Variants in PPP2R5B observed in about 807,000 individuals in gnomAD.
The protein encoded by PPP2R5B is serine/threonine-protein phosphatase 2A 56 kDa regulatory subunit beta isoform.
A neutral mutation model predicts 59.9 loss-of-function variants in PPP2R5B; 19 were observed. That is an observed-to-expected ratio of 0.32 (90% confidence interval 0.22 to 0.47). The LOEUF (loss-of-function observed/expected upper bound fraction) is 0.47. Among genes scored for constraint, PPP2R5B ranks in the 20% least tolerant of loss-of-function variants. The pLI is 1.00. For missense variants in PPP2R5B, 441 were observed against 640.2 expected (o/e 0.69, Z 3.36); for synonymous variants, 286 against 260.5 (o/e 1.10, Z -0.94).
At chr11:64,928,518 T>G in intron 6 of PPP2R5B, 93 bp downstream of exon 6, 2 of 1,565,988 alleles carry the variant, frequency 1.3e-6, no homozygotes, top group South Asian at 2.3e-5. Context: ...GGCTCACACC[T>G]GTAATCCCAG....
intron 6 of PPP2R5B, 126 bp from the exon 7 acceptor site, chr11:64,930,196 C>T: frequency 9.4e-7 from 1 of 1,060,628 alleles, no homozygotes. Flanking sequence ...GAAGGGAGCG[C>T]AGCCTCTGGG....
intron 13 of PPP2R5B, among the ~76,000 whole-genome samples, 168 bp downstream of exon 13, chr11:64,933,414 C>T (rs964999495): frequency 1.3e-5 from 2 of 152,134 alleles, no homozygotes; most frequent in Non-Finnish European, 2.9e-5. Context: ...TGTATCCTCC[C>T]GTCATTCTTC....
rs369353409 is a variant in PPP2R5B at position 64,925,615 on chromosome 11, C to CA, written c.-120_-119insA. 6.7e-6 allele frequency: 2 copies of CA among 297,238 alleles called. No individual in the cohort carries two copies. Among genetic ancestry groups the CA allele is most frequent in the Non-Finnish European group, 1.2e-5 (2 of 170,830 alleles). The allele number at this position is 297,238 out of a possible 1,614,324, so 18.4% of individuals were successfully genotyped here. A position where few individuals can be genotyped will look rare whatever the true frequency, so the allele number is the denominator to read the frequency against. ...GGGGGGGCCCAGGACTGTGGTTGTG[C>CA]CCCCCCCCCAAAGGCCGGACAGGAT... On this transcript the variant is annotated 5_prime_UTR_variant, in exon 2 of 14. Transcript: ENST00000164133. The surrounding 1 kb of genome is among the most constrained non-coding windows in gnomAD (Gnocchi z 4.6).
Position 64,931,634 on chromosome 11 carries a change from G to A in PPP2R5B, c.996+25G>A, listed in dbSNP as rs762191845. 14 of 1,613,336 alleles carry A rather than the reference G, an allele frequency of 8.7e-6. No homozygotes were observed. Among genetic ancestry groups the A allele is most frequent in the Admixed American group, 5.0e-5 (3 of 59,962 alleles). On this transcript the variant is annotated intron_variant, in intron 10 of 13. Transcript: ENST00000164133. This position sits in a 1 kb window ranked among gnomAD's most constrained non-coding sequence, Gnocchi z 5.0. ...GGTATGAAGAAGGGCTTTGATGCCC[G>A]CCAGAGGGAGGCTGGGAGGGCTCGG...
chr11:64,918,055 G>A (rs900875264), intron 1 of PPP2R5B, among the ~76,000 whole-genome samples: 1 of 152,058 alleles, frequency 6.6e-6, no homozygotes, highest in Admixed American at 6.6e-5. Context: ...AATGGTTAGG[G>A]GAAAAATCAA....
chr11:64,926,924 C>T lies in PPP2R5B; in HGVS notation c.396+16C>T, dbSNP rs781118069. 1.2e-6 allele frequency: 2 copies of T among 1,610,768 alleles called. No homozygotes were observed. The highest frequency in any genetic ancestry group is 1.7e-6 in the Non-Finnish European group (2 of 1,178,156). Reference sequence around the variant, plus strand: ...CATCCGCATGGTGAGCACCTGCCACCCAGGCTCCGAGGGCCGGCCGAGAGG... The same window carrying T: ...CATCCGCATGGTGAGCACCTGCCACTCAGGCTCCGAGGGCCGGCCGAGAGG... On this transcript the variant is annotated intron_variant, in intron 3 of 13. Coordinates refer to ENST00000164133, the MANE Select transcript of PPP2R5B (RefSeq NM_006244.4).
Position 64,927,352 on chromosome 11 carries a change from C to T in PPP2R5B, c.396+444C>T, listed in dbSNP as rs552903889. 3.9e-5 allele frequency among the ~76,000 whole-genome samples: 6 copies of T among 152,278 alleles called. No individual in the cohort carries two copies. The South Asian group carries it at 8.3e-4, about 21-fold the overall frequency. On this transcript the variant is annotated intron_variant, in intron 3 of 13. Transcript: ENST00000164133. ...TGGCCCAGGGCTTGCACGAACTAGG[C>T]GTTCAGGTGATGATTGCCCAAGGAA...
In PPP2R5B at chr11:64,926,728, G is replaced by A. The variant is rs1452310026; in HGVS notation, c.216G>A (p.Glu72=). ...LPLLKDVPAS[E]LHELLSRKLA... ...CCTCCCCAGATGTGCCGGCTTCCGAGCTGCACGAGCTGCTGAGCCGGAAGC... is the reference window on the plus strand; with the variant it reads ...CCTCCCCAGATGTGCCGGCTTCCGAACTGCACGAGCTGCTGAGCCGGAAGC... The change falls in exon 3 of 14, where the codon GAG becomes GAA. Residue 72 remains glutamate, a synonymous_variant. Coordinates refer to ENST00000164133, the MANE Select transcript of PPP2R5B (RefSeq NM_006244.4). The A allele has an allele frequency of 1.2e-6, 2 of 1,614,126 alleles. No homozygotes were observed. Among genetic ancestry groups the A allele is most frequent in the South Asian group, 2.2e-5 (2 of 91,090 alleles).
chr11:64,926,670 G>T, intron 2 of PPP2R5B, 42 bp from the exon 3 acceptor site: 1 of 1,604,284 alleles, frequency 6.2e-7, no homozygotes, highest in South Asian at 1.1e-5. Context: ...GGGGCAGCTG[G>T]GGGAGCTGGG....
intron 2 of PPP2R5B, 136 bp from the exon 3 acceptor site, chr11:64,926,576 G>C (rs1174776591): frequency 1.1e-5 from 10 of 886,980 alleles, no homozygotes; most frequent in Middle Eastern, 3.5e-4. Flanking sequence ...TGTCTGCAAG[G>C]AGCAGGAGAT....
At chr11:64,920,903 C>G (rs1329385607), upstream of PPP2R5B, among the ~76,000 whole-genome samples, 1 of 150,226 alleles carries the variant, frequency 6.7e-6, no homozygotes, top group Non-Finnish European at 1.5e-5. Flanking sequence ...GCTGGGATTA[C>G]AGGTGTGAGC....
chr11:64,929,768 G>T (rs527594237), intron 6 of PPP2R5B, among the ~76,000 whole-genome samples: 3 of 152,172 alleles, frequency 2.0e-5, no homozygotes, highest in East Asian at 3.9e-4. Context: ...ACTAACTCAG[G>T]GACCATTATC....
chr11:64,930,030 TGGTA>T (rs1945211105), intron 6 of PPP2R5B, among the ~76,000 whole-genome samples: 2 of 152,184 alleles, frequency 1.3e-5, no homozygotes, highest in Non-Finnish European at 2.9e-5. Context: ...GAGACTTACA[TGGTA>T]CGGAGTAGAT....
chr11:64,929,092 A>G (rs1467203044), intron 6 of PPP2R5B, among the ~76,000 whole-genome samples: 1 of 152,248 alleles, frequency 6.6e-6, no homozygotes, highest in African/African-American at 2.4e-5. Flanking sequence ...TTGATTATAC[A>G]AAGCCTGTGA....
chr11:64,919,309 C>G (rs2136670318), intron 1 of PPP2R5B, among the ~76,000 whole-genome samples: 1 of 151,410 alleles, frequency 6.6e-6, no homozygotes, highest in African/African-American at 2.4e-5. Context: ...TGCCACTGCA[C>G]TCCAGCCTGG....
At chr11:64,919,051 T>C (rs1222917279) in intron 1 of PPP2R5B, among the ~76,000 whole-genome samples, 2 of 152,140 alleles carry the variant, frequency 1.3e-5, no homozygotes, top group Non-Finnish European at 2.9e-5. Context: ...ATTCAGAAAG[T>C]GCTTATGGGC....
chr11:64,926,332 G>C (rs1355769195), intron 2 of PPP2R5B, among the ~76,000 whole-genome samples: 2 of 152,238 alleles, frequency 1.3e-5, no homozygotes, highest in African/African-American at 4.8e-5. Flanking sequence ...GGCCAAGCCT[G>C]AGGACACCGT....
At position 64,933,010 on chromosome 11, in the gene PPP2R5B, C is replaced by T. The variant is rs553155270; in HGVS notation, c.1244+118C>T. 6.1e-5 allele frequency: 93 copies of T among 1,527,600 alleles called. No homozygotes were observed. In the East Asian group the frequency reaches 1.8e-3, roughly 30 times the overall value. The allele number at this position is 1,527,600 out of a possible 1,614,324, so 94.6% of individuals were successfully genotyped here. A position where few individuals can be genotyped will look rare whatever the true frequency, so the allele number is the denominator to read the frequency against. ...TCAGAGAAAGCATCAAAAGATGGCCCAGGGGTGGTGAAAAGGACAGGAAAG... is the reference window on the plus strand; with the variant it reads ...TCAGAGAAAGCATCAAAAGATGGCCTAGGGGTGGTGAAAAGGACAGGAAAG... On this transcript the variant is annotated intron_variant, in intron 12 of 13. Transcript: ENST00000164133.
At chr11:64,928,852 CCGCAG>C (rs1945198882) in intron 6 of PPP2R5B, among the ~76,000 whole-genome samples, 1 of 152,270 alleles carries the variant, frequency 6.6e-6, no homozygotes, top group African/African-American at 2.4e-5. Flanking sequence ...CCACTGCAGT[CCGCAG>C]TCCGGCCTGG....
Sources: allele counts gnomAD v4.1 joint callset (sites outside exome capture counted in the v4.1 genomes callset), GRCh38; gene constraint gnomAD v4.1.1; non-coding constraint Gnocchi (gnomAD v3.1); transcripts MANE v1.5; gene names NCBI Gene and HGNC (gene_info 2026-07-23, HGNC 2026-07-21).